SNED1: variants seen among roughly 807,000 people sequenced by gnomAD.
SNED1 encodes the protein sushi, nidogen and EGF-like domain-containing protein 1.
Under a neutral mutation model 166.7 loss-of-function variants are expected in SNED1, and 81 were observed. That is an observed-to-expected ratio of 0.49 (90% CI 0.41 to 0.58). The LOEUF (loss-of-function observed/expected upper bound fraction) is 0.58. Among genes scored for constraint, SNED1 ranks in the 20% least tolerant of loss-of-function variants. The pLI is 0.00. For synonymous variants in SNED1, 762 were observed against 822.0 expected (o/e 0.93, Z 1.25); for missense variants, 1,604 against 2,000.2 (o/e 0.80, Z 3.78).
At chr2:241,072,715 C>T in intron 26 of SNED1, 1 of 195,884 alleles carries the variant, frequency 5.1e-6, no homozygotes, top group Non-Finnish European at 1.1e-5. Flanking sequence ...GCCCGGGATG[C>T]CCAGTGGTGG....
intron 16 of SNED1, among the ~76,000 whole-genome samples, chr2:241,061,494 C>A (rs546275458): frequency 1.3e-5 from 2 of 152,334 alleles, no homozygotes; most frequent in Non-Finnish European, 2.9e-5. Context: ...TTTACGTCAA[C>A]TGTGTTCCAG....
chr2:241,019,398 A>G (rs1165142758), intron 1 of SNED1, among the ~76,000 whole-genome samples: 3 of 152,226 alleles, frequency 2.0e-5, no homozygotes, highest in Non-Finnish European at 4.4e-5. Context: ...CAGAAAGTCA[A>G]AAGCGCTCAG....
chr2:241,071,533 A>G lies in SNED1; in HGVS notation c.3590-43A>G, dbSNP rs777973624. The G allele has an allele frequency of 1.2e-5, 18 of 1,557,256 alleles. No homozygotes were observed. In the South Asian group the frequency reaches 1.6e-4, roughly 14 times the overall value. On this transcript the variant is annotated intron_variant, in intron 24 of 31. Transcript: ENST00000310397. ...GCCACAGGGGCAGGGACAGGAGCAG[A>G]GGGCAGCCCCAGACCAGCCCCTTCC... is the stretch of plus-strand genomic sequence containing the variant.
At chr2:241,001,256 T>C (rs1056853335) in intron 1 of SNED1, among the ~76,000 whole-genome samples, 1 of 152,254 alleles carries the variant, frequency 6.6e-6, no homozygotes, top group African/African-American at 2.4e-5. Context: ...AATGAATGAA[T>C]GTGCCTCCCT....
intron 22 of SNED1, 53 bp downstream of exon 22, chr2:241,068,000 T>A: frequency 7.0e-7 from 1 of 1,434,854 alleles, no homozygotes; most frequent in Non-Finnish European, 9.7e-7. Flanking sequence ...GGGTGGGGGC[T>A]CGGGGACACG....
At chr2:241,046,044 T>A (rs191565777) in intron 8 of SNED1, among the ~76,000 whole-genome samples, 2 of 152,092 alleles carry the variant, frequency 1.3e-5, no homozygotes, top group African/African-American at 4.8e-5. Flanking sequence ...TGGAGGTGAA[T>A]AAACGGATGG....
chr2:241,090,213 T>G, intron 31 of SNED1: 1 of 1,478,860 alleles, frequency 6.8e-7, no homozygotes, highest in South Asian at 1.4e-5. Flanking sequence ...AATTTTTAAT[T>G]GTTTTTTACT....
chr2:241,012,196 GGGACCTCGGCCACAGC>G (rs2106569338), intron 1 of SNED1, among the ~76,000 whole-genome samples: 1 of 152,302 alleles, frequency 6.6e-6, no homozygotes, highest in South Asian at 2.1e-4. Context: ...CCCAGCCCCA[GGGACCTCGGCCACAGC>G]GGCCTCCTGC....
At chr2:241,030,165 C>G (rs1047875081) in intron 1 of SNED1, 119 bp from the exon 2 acceptor site, 5 of 973,602 alleles carry the variant, frequency 5.1e-6, no homozygotes. Context: ...TGGGGATACC[C>G]TGCCCAGGAC....
rs1382486861 is a variant in SNED1 at position 241,068,459 on chromosome 2, G to C, written c.3195-452G>C. On this transcript the variant is annotated intron_variant, in intron 22 of 31. Coordinates refer to ENST00000310397, the MANE Select transcript of SNED1 (RefSeq NM_001080437.3). This position sits in a 1 kb window ranked among gnomAD's most constrained non-coding sequence, Gnocchi z 5.3. ...CCGAATCGTGCTCAGCGCAGGCAGG[G>C]GTGCAGGAAAAGATCGGAGAGCGAG... 9.2e-5 allele frequency among the ~76,000 whole-genome samples: 14 copies of C among 152,094 alleles called. No homozygotes were observed. The highest frequency in any genetic ancestry group is 9.2e-4 in the Admixed American group (14 of 15,278).
intron 29 of SNED1, among the ~76,000 whole-genome samples, chr2:241,084,076 TA>T (rs1489381697): frequency 6.6e-6 from 1 of 152,010 alleles, no homozygotes; most frequent in Non-Finnish European, 1.5e-5. Context: ...ATCTTCACCT[TA>T]ACACAATGTA....
intron 2 of SNED1, among the ~76,000 whole-genome samples, chr2:241,032,558 A>G (rs2061219024): frequency 6.6e-6 from 1 of 152,104 alleles, no homozygotes; most frequent in South Asian, 2.1e-4. Flanking sequence ...TGGGTGCAGC[A>G]CACCAACATG....
intron 16 of SNED1, among the ~76,000 whole-genome samples, chr2:241,054,070 G>A (rs1249875349): frequency 1.3e-5 from 2 of 152,008 alleles, no homozygotes; most frequent in Non-Finnish European, 2.9e-5. Context: ...AACCTGCGTG[G>A]TCTCAGGCGA....
intron 29 of SNED1, among the ~76,000 whole-genome samples, chr2:241,085,860 C>CTTTTTTTTTTTTTTT (rs772995766): frequency 8.8e-5 from 7 of 79,190 alleles, no homozygotes; most frequent in Non-Finnish European, 1.4e-4. Context: ...TCTGCGGTTT[C>CTTTTTTTTTTTTTTT]TTTTTTTTTT....
chr2:241,060,269 G>A (rs908802994), intron 16 of SNED1, among the ~76,000 whole-genome samples: 5 of 150,172 alleles, frequency 3.3e-5, no homozygotes, highest in African/African-American at 7.4e-5. Flanking sequence ...TGCAACCTCC[G>A]CCTCCCTGGT....
intron 1 of SNED1, among the ~76,000 whole-genome samples, chr2:241,001,601 C>G (rs1449098993): frequency 6.6e-6 from 1 of 152,232 alleles, no homozygotes; most frequent in East Asian, 1.9e-4. Flanking sequence ...CTGCCGCTAT[C>G]CTGCCATGCA....
intron 1 of SNED1, among the ~76,000 whole-genome samples, chr2:241,002,653 C>G (rs1465380991): frequency 6.6e-6 from 1 of 152,138 alleles, no homozygotes; most frequent in East Asian, 1.9e-4. Flanking sequence ...CTGCCTGGAC[C>G]TCACAGGCAG....
chr2:241,055,925 AATG>A (rs1445065000), intron 16 of SNED1, among the ~76,000 whole-genome samples: 2 of 152,182 alleles, frequency 1.3e-5, no homozygotes, highest in African/African-American at 2.4e-5. Flanking sequence ...CTCAACTCCT[AATG>A]ATATCACAGG....
At chr2:241,046,008 A>C (rs2061635690) in intron 8 of SNED1, among the ~76,000 whole-genome samples, 1 of 152,230 alleles carries the variant, frequency 6.6e-6, no homozygotes, top group African/African-American at 2.4e-5. Flanking sequence ...ACTTGAACGG[A>C]TACTTGGCCA....
Sources: gnomAD v4.1 joint callset for allele counts (sites outside exome capture counted in the v4.1 genomes callset) on GRCh38, gnomAD v4.1.1 for gene constraint, Gnocchi (gnomAD v3.1) non-coding constraint, MANE v1.5 for transcripts, NCBI Gene and HGNC (gene_info 2026-07-23, HGNC 2026-07-21) for gene names.